Variants in KLHL29 observed in about 807,000 individuals in gnomAD.
KLHL29 encodes the protein kelch-like protein 29.
Under a neutral mutation model 80.4 loss-of-function variants are expected in KLHL29, and 21 were observed. The observed-to-expected ratio is 0.26, with a 90% CI of 0.19 to 0.38. The LOEUF (loss-of-function observed/expected upper bound fraction) is 0.38. Ranked by LOEUF, KLHL29 falls within the 10% of genes least tolerant of loss-of-function variation. KLHL29 has a pLI of 1.00. For missense variants in KLHL29, 867 were observed against 1,223.9 expected (o/e 0.71, Z 4.35); for synonymous variants, 511 against 526.8 (o/e 0.97, Z 0.41).
chr2:23,572,700 C>CTTTTT (rs67663284), intron 3 of KLHL29, among the ~76,000 whole-genome samples: 18 of 136,868 alleles, frequency 1.3e-4, no homozygotes, highest in Non-Finnish European at 2.4e-4. Context: ...ACAGTGATTT[C>CTTTTT]TTTTTTTTTT....
chr2:23,507,696 T>C (rs1424797681), intron 2 of KLHL29, among the ~76,000 whole-genome samples: 2 of 152,186 alleles, frequency 1.3e-5, no homozygotes, highest in Non-Finnish European at 2.9e-5. Context: ...GGACCTGGCC[T>C]CACTTCGGGC....
intron 3 of KLHL29, among the ~76,000 whole-genome samples, chr2:23,578,160 G>A (rs1558395265): frequency 6.6e-6 from 1 of 152,204 alleles, no homozygotes; most frequent in African/African-American, 2.4e-5. Context: ...GAGGCAGTCA[G>A]GGCCAAGAGG....
intron 11 of KLHL29, chr2:23,697,690 C>T (rs1672053125): frequency 6.6e-6 from 1 of 152,074 alleles, no homozygotes; most frequent in Admixed American, 6.5e-5. Flanking sequence ...CCAGAGATGG[C>T]TCAGTAACAA....
chr2:23,446,800 A>G (rs1663705442), intron 1 of KLHL29, among the ~76,000 whole-genome samples: 1 of 152,166 alleles, frequency 6.6e-6, no homozygotes, highest in Admixed American at 6.5e-5. Flanking sequence ...CATCTTTGCA[A>G]GCAGTTCTGG....
intron 1 of KLHL29, among the ~76,000 whole-genome samples, chr2:23,474,127 T>C (rs1324857432): frequency 6.6e-6 from 1 of 152,220 alleles, no homozygotes; most frequent in Non-Finnish European, 1.5e-5. Context: ...TTTTTAAGTG[T>C]ATTGTATATT....
At chr2:23,488,964 C>T (rs1665012109) in intron 2 of KLHL29, among the ~76,000 whole-genome samples, 1 of 152,236 alleles carries the variant, frequency 6.6e-6, no homozygotes, top group African/African-American at 2.4e-5. Flanking sequence ...GGTTGGGATG[C>T]TCTCGCTTCT....
intron 3 of KLHL29, among the ~76,000 whole-genome samples, chr2:23,599,030 C>T (rs1441584739): frequency 6.6e-6 from 1 of 152,260 alleles, no homozygotes; most frequent in Non-Finnish European, 1.5e-5. Context: ...CTGTCCCAGG[C>T]ATTCTTTCCT....
intron 11 of KLHL29, among the ~76,000 whole-genome samples, chr2:23,702,401 A>G (rs1357389564): frequency 2.0e-5 from 3 of 152,198 alleles, no homozygotes; most frequent in Non-Finnish European, 2.9e-5. Context: ...TTTATTGAAC[A>G]CTGTATATTA....
intron 5 of KLHL29, among the ~76,000 whole-genome samples, chr2:23,650,584 A>G (rs923299348): frequency 6.6e-6 from 1 of 152,188 alleles, no homozygotes; most frequent in Non-Finnish European, 1.5e-5. Flanking sequence ...CTCTGAGGCC[A>G]TACTGGTCTT....
At chr2:23,477,634 G>A (rs374792860) in intron 2 of KLHL29, among the ~76,000 whole-genome samples, 14 of 152,248 alleles carry the variant, frequency 9.2e-5, no homozygotes, top group African/African-American at 2.2e-4. Context: ...ACTGGTGGGC[G>A]ACAGCTGTCC....
chr2:23,591,187 CA>C (rs1458633066), intron 3 of KLHL29, among the ~76,000 whole-genome samples: 3 of 152,104 alleles, frequency 2.0e-5, no homozygotes, highest in African/African-American at 7.2e-5. Context: ...ATGTTGAGGC[CA>C]GGGGTGAAAA....
intron 1 of KLHL29, among the ~76,000 whole-genome samples, chr2:23,428,203 G>A (rs1488555274): frequency 2.0e-5 from 3 of 152,222 alleles, no homozygotes; most frequent in African/African-American, 7.2e-5. Flanking sequence ...GCCTTGGAGT[G>A]TTGACGTGGG....
intron 1 of KLHL29, among the ~76,000 whole-genome samples, chr2:23,466,369 T>C (rs757990137): frequency 1.2e-4 from 19 of 152,270 alleles, no homozygotes; most frequent in Non-Finnish European, 2.2e-4. Context: ...AACCTTTAGA[T>C]GCGTTAAAGC....
At chr2:23,514,271 C>A (rs1297536136) in intron 2 of KLHL29, among the ~76,000 whole-genome samples, 2 of 152,168 alleles carry the variant, frequency 1.3e-5, no homozygotes, top group Non-Finnish European at 2.9e-5. Flanking sequence ...TCAGGCTTCC[C>A]ACTTTCCAGT....
At chr2:23,444,336 T>TTTTG (rs1180384085) in intron 1 of KLHL29, among the ~76,000 whole-genome samples, 3 of 152,206 alleles carry the variant, frequency 2.0e-5, no homozygotes, top group African/African-American at 7.2e-5. Flanking sequence ...CAAACTGAAT[T>TTTTG]TTTGTTTGTT....
Position 23,385,590 on chromosome 2 carries a change from G to A in KLHL29, c.-344G>A, listed in dbSNP as rs1666152874. 1.2e-5 allele frequency: 2 copies of A among 167,676 alleles called. No individual in the cohort carries two copies. Among genetic ancestry groups the A allele is most frequent in the Admixed American group, 6.6e-5 (1 of 15,120 alleles). The allele number at this position is 167,676 out of a possible 1,614,324, so 10.4% of individuals were successfully genotyped here. A position where few individuals can be genotyped will look rare whatever the true frequency, so the allele number is the denominator to read the frequency against. ...AGGCGGCGGCGGCGGAGGAGGAGGA[G>A]GAACGAGGGGAGAAGGCGGAGAGCA... is the stretch of plus-strand genomic sequence containing the variant. On this transcript the variant is annotated 5_prime_UTR_variant, in exon 1 of 14. Coordinates refer to ENST00000486442, the MANE Select transcript of KLHL29 (RefSeq NM_052920.2).
intron 2 of KLHL29, among the ~76,000 whole-genome samples, chr2:23,553,548 G>T (rs565796854): frequency 1.3e-5 from 2 of 152,174 alleles, no homozygotes; most frequent in Non-Finnish European, 2.9e-5. Context: ...TGGAGGTGCC[G>T]AACACCTCAC....
At chr2:23,699,247 G>A (rs1672203240) in intron 11 of KLHL29, among the ~76,000 whole-genome samples, 1 of 152,312 alleles carries the variant, frequency 6.6e-6, no homozygotes, top group Non-Finnish European at 1.5e-5. Flanking sequence ...GAGGCTCACA[G>A]AAAGAAAGCA....
At chr2:23,614,094 A>G (rs556156413) in intron 3 of KLHL29, among the ~76,000 whole-genome samples, 1 of 152,208 alleles carries the variant, frequency 6.6e-6, no homozygotes, top group African/African-American at 2.4e-5. Context: ...TGGAAAGGCT[A>G]ATCAGAAACT....
Sources: gnomAD v4.1 joint callset for allele counts (sites outside exome capture counted in the v4.1 genomes callset) on GRCh38, gnomAD v4.1.1 for gene constraint, MANE v1.5 for transcripts, NCBI Gene and HGNC (gene_info 2026-07-23, HGNC 2026-07-21) for gene names.